The following SCFD2 variants were observed in gnomAD, a reference collection of about 807,000 sequenced individuals.
SCFD2 encodes the protein sec1 family domain-containing protein 2.
A neutral mutation model predicts 58.9 loss-of-function variants in SCFD2; 54 were observed. That is an observed-to-expected ratio of 0.92 (90% CI 0.74 to 1.15). The LOEUF (loss-of-function observed/expected upper bound fraction) is 1.15, where lower values mean the gene tolerates loss of function less well. SCFD2 is among the 50% of genes most tolerant of loss of function. The probability of loss-of-function intolerance (pLI) is 0.00; values close to 1 mark genes in which losing one functional copy is unlikely to be tolerated. For synonymous variants in SCFD2, 321 were observed against 335.9 expected (o/e 0.96, Z 0.49); for missense variants, 805 against 836.6 (o/e 0.96, Z 0.47).
chr4:53,249,120 T>C (rs564032557), intron 4 of SCFD2, among the ~76,000 whole-genome samples: 1 of 152,172 alleles, frequency 6.6e-6, no homozygotes, highest in Non-Finnish European at 1.5e-5. Context: ...AAGGAGCTGA[T>C]GGAGCTGAAA....
intron 5 of SCFD2, among the ~76,000 whole-genome samples, chr4:53,008,754 A>G (rs1436134576): frequency 6.6e-6 from 1 of 152,256 alleles, no homozygotes; most frequent in Non-Finnish European, 1.5e-5. Context: ...GAGAAAAGCT[A>G]TAGAATCCAG....
At chr4:53,079,532 A>G (rs1194001606) in intron 5 of SCFD2, among the ~76,000 whole-genome samples, 1 of 152,098 alleles carries the variant, frequency 6.6e-6, no homozygotes, top group African/African-American at 2.4e-5. Flanking sequence ...TGGATCCAAA[A>G]ATTTTTTTTA....
intron 7 of SCFD2, among the ~76,000 whole-genome samples, chr4:52,892,985 T>C (rs907563386): frequency 6.6e-6 from 1 of 152,202 alleles, no homozygotes; most frequent in African/African-American, 2.4e-5. Context: ...GTTATGCAAA[T>C]ACTGAACCCT....
At chr4:53,056,064 T>C (rs1723329449) in intron 5 of SCFD2, among the ~76,000 whole-genome samples, 1 of 151,810 alleles carries the variant, frequency 6.6e-6, no homozygotes, top group African/African-American at 2.4e-5. Flanking sequence ...TTTTCTATGT[T>C]ATTCCCCAAG....
rs375872222 is a variant in SCFD2, at chr4:53,238,693, C to T, written c.1311+35133G>A. Among the ~76,000 whole-genome samples the T allele has an allele frequency of 8.6e-3, 1,296 of 150,936 alleles. 7 individuals carry two copies. Among genetic ancestry groups the T allele is most frequent in the Middle Eastern group, 0.049 (14 of 284 alleles). On this transcript the variant is annotated intron_variant, in intron 4 of 8. Coordinates refer to ENST00000401642, the MANE Select transcript of SCFD2 (RefSeq NM_152540.4). ...CTCACCTCCCAGACGGGGTTGCGGC[C>T]GGGCAGAGGTGCTCCTCACATCCCA...
intron 4 of SCFD2, among the ~76,000 whole-genome samples, chr4:53,253,309 A>C (rs955050638): frequency 1.3e-5 from 2 of 152,154 alleles, no homozygotes; most frequent in Admixed American, 1.3e-4. Context: ...AACTAGTTCA[A>C]CCATTGTGGA....
At chr4:53,010,555 G>A (rs531938929) in intron 5 of SCFD2, among the ~76,000 whole-genome samples, 29 of 152,314 alleles carry the variant, frequency 1.9e-4, no homozygotes, top group African/African-American at 7.0e-4. Context: ...CCCTGTCCTT[G>A]TGGGCAAGCT....
chr4:53,230,120 C>A (rs1729381917), intron 4 of SCFD2, among the ~76,000 whole-genome samples: 1 of 152,144 alleles, frequency 6.6e-6, no homozygotes, highest in Non-Finnish European at 1.5e-5. Context: ...AGTCAGGAAA[C>A]AACAGGTGCT....
chr4:53,057,702 T>C (rs1445995165), intron 5 of SCFD2, among the ~76,000 whole-genome samples: 1 of 152,024 alleles, frequency 6.6e-6, no homozygotes, highest in African/African-American at 2.4e-5. Context: ...AAAAGACAAT[T>C]ATCAGGAACA....
chr4:52,876,190 T>A (rs1718470129), intron 8 of SCFD2, among the ~76,000 whole-genome samples: 1 of 151,816 alleles, frequency 6.6e-6, no homozygotes, highest in Non-Finnish European at 1.5e-5. Flanking sequence ...GCTCACCTCA[T>A]CTCTCTCAGA....
intron 4 of SCFD2, among the ~76,000 whole-genome samples, chr4:53,260,484 A>G (rs1486338037): frequency 6.6e-6 from 1 of 152,172 alleles, no homozygotes; most frequent in Non-Finnish European, 1.5e-5. Flanking sequence ...TACTGAGATG[A>G]TCATGTGATT....
chr4:52,886,648 A>G (rs986271900), intron 7 of SCFD2, among the ~76,000 whole-genome samples: 1 of 152,216 alleles, frequency 6.6e-6, no homozygotes, highest in Non-Finnish European at 1.5e-5. Context: ...TGGTTGGCAA[A>G]GTGGGTGAGA....
intron 5 of SCFD2, among the ~76,000 whole-genome samples, chr4:53,064,750 C>G (rs1723609637): frequency 6.6e-6 from 1 of 152,042 alleles, no homozygotes; most frequent in East Asian, 1.9e-4. Context: ...GTCTGAATTC[C>G]AGCTCCACCA....
intron 5 of SCFD2, among the ~76,000 whole-genome samples, chr4:53,058,230 T>C (rs941654677): frequency 2.0e-5 from 3 of 152,178 alleles, no homozygotes; most frequent in African/African-American, 7.2e-5. Flanking sequence ...TTTTGCTAAA[T>C]ATAACATTAA....
intron 5 of SCFD2, among the ~76,000 whole-genome samples, chr4:53,096,440 G>A (rs1316427794): frequency 1.3e-5 from 2 of 152,174 alleles, no homozygotes; most frequent in East Asian, 3.9e-4. Flanking sequence ...TCTCATTGTG[G>A]TTTTGACTTG....
chr4:53,256,171 G>A (rs1730619242), intron 4 of SCFD2, among the ~76,000 whole-genome samples: 1 of 150,704 alleles, frequency 6.6e-6, no homozygotes, highest in Non-Finnish European at 1.5e-5. Flanking sequence ...TCTCAGACGG[G>A]GCGGCTGCCG....
intron 5 of SCFD2, among the ~76,000 whole-genome samples, chr4:53,041,034 C>T (rs1365856135): frequency 1.3e-5 from 2 of 152,172 alleles, no homozygotes; most frequent in African/African-American, 2.4e-5. Context: ...TGATACTAGA[C>T]ATATGCTATG....
At chr4:52,949,769 G>A (rs1479252967) in intron 5 of SCFD2, 1 of 152,202 alleles carries the variant, frequency 6.6e-6, no homozygotes, top group East Asian at 1.9e-4. Context: ...AACAATGAAA[G>A]AACAATTTTC....
chr4:52,961,827 C>T (rs1021826806), intron 5 of SCFD2, among the ~76,000 whole-genome samples: 3 of 151,782 alleles, frequency 2.0e-5, no homozygotes. Context: ...ATGGTAATAG[C>T]TGGTGACAGT....
Sources: allele counts gnomAD v4.1 joint callset (sites outside exome capture counted in the v4.1 genomes callset), GRCh38; gene constraint gnomAD v4.1.1; transcripts MANE v1.5; gene names NCBI Gene and HGNC (gene_info 2026-07-23, HGNC 2026-07-21).